The following PARVB variants were observed in gnomAD, a reference collection of about 807,000 sequenced individuals.
PARVB encodes the protein beta-parvin.
In PARVB, 46 loss-of-function variants were observed where a neutral mutation model predicts 47.0. That is an observed-to-expected ratio of 0.98 (90% CI 0.77 to 1.25). The LOEUF (loss-of-function observed/expected upper bound fraction) is 1.25. PARVB is among the 50% of genes most tolerant of loss of function. PARVB has a pLI of 0.00. For synonymous variants in PARVB, 196 were observed against 196.3 expected (o/e 1.00, Z 0.01); for missense variants, 473 against 471.6 (o/e 1.00, Z -0.03).
intron 3 of PARVB, chr22:44,110,211 A>T (rs181600340): frequency 1.3e-5 from 2 of 150,808 alleles, no homozygotes; most frequent in African/African-American, 4.9e-5. Flanking sequence ...GCCGCTTGAG[A>T]TATGGCATTG....
chr22:44,160,586 C>G (rs1447722215), intron 11 of PARVB, among the ~76,000 whole-genome samples: 2 of 152,092 alleles, frequency 1.3e-5, no homozygotes, highest in African/African-American at 4.8e-5. Context: ...TGCTGGGTAT[C>G]CAGGGATCTA....
chr22:43,999,471 A>G (rs2050388819), intron 1 of PARVB: 1 of 1,562,944 alleles, frequency 6.4e-7, no homozygotes, highest in African/African-American at 1.4e-5. Context: ...CAGAAGTCCA[A>G]ATTTCTAGCT....
At chr22:44,164,618 T>G (rs1200213198) in intron 12 of PARVB, among the ~76,000 whole-genome samples, 1 of 152,198 alleles carries the variant, frequency 6.6e-6, no homozygotes, top group African/African-American at 2.4e-5. Flanking sequence ...GACATCTGTT[T>G]GCCTCCATCA....
chr22:44,064,389 T>C (rs2051479086), intron 1 of PARVB, among the ~76,000 whole-genome samples: 1 of 152,128 alleles, frequency 6.6e-6, no homozygotes, highest in Non-Finnish European at 1.5e-5. Flanking sequence ...AGGAAATGTG[T>C]GTGGACTCGC....
At position 44,172,829 on chromosome 22, in the gene PARVB, G is replaced by A; in HGVS notation, c.*4151G>A. The A allele has an allele frequency of 1.9e-6, 1 of 539,908 alleles. No individual in the cohort carries two copies. Among genetic ancestry groups the A allele is most frequent in the Non-Finnish European group, 2.8e-6 (1 of 352,664 alleles). The allele number at this position is 539,908 out of a possible 1,614,324, so 33.4% of individuals were successfully genotyped here. A position where few individuals can be genotyped will look rare whatever the true frequency, so the allele number is the denominator to read the frequency against. ...AGTGCAGGAAGCAAGCGCTTTTCAG[G>A]AGCTCACTGCAACACCGGGCAAACA... is the stretch of plus-strand genomic sequence containing the variant. On this transcript the variant is annotated 3_prime_UTR_variant, in exon 13 of 13. Coordinates refer to ENST00000338758, the MANE Select transcript of PARVB (RefSeq NM_013327.5).
intron 11 of PARVB, among the ~76,000 whole-genome samples, chr22:44,162,309 AT>A (rs1044777937): frequency 6.6e-6 from 1 of 152,052 alleles, no homozygotes; most frequent in South Asian, 2.1e-4. Flanking sequence ...CGTTGAAAGG[AT>A]TTTTTGTTTG....
chr22:44,010,930 C>T (rs530284573), intron 2 of PARVB, among the ~76,000 whole-genome samples: 6 of 138,082 alleles, frequency 4.3e-5, no homozygotes, highest in East Asian at 2.1e-4. Flanking sequence ...CTCGCTCTGT[C>T]GCCCAGGCTA....
rs574338500 is a variant in PARVB at position 44,091,295 on chromosome 22, T to G, written c.113-2633T>G. On this transcript the variant is annotated intron_variant, in intron 1 of 12. Transcript: ENST00000338758. ...CCTGCTTTTTTTTTTTTTTTTTTTT[T>G]GCTATTTAAAAAAATTGTTGTAAAA... Among the ~76,000 whole-genome samples, 1,036 of 141,858 alleles carry G rather than the reference T, an allele frequency of 7.3e-3. 10 individuals carry two copies. Among genetic ancestry groups the G allele is most frequent in the African/African-American group, 0.023 (868 of 37,352 alleles). The allele number at this position is 141,858 out of a possible 152,430, so 93.1% of individuals were successfully genotyped here. A position where few individuals can be genotyped will look rare whatever the true frequency, so the allele number is the denominator to read the frequency against.
intron 1 of PARVB, among the ~76,000 whole-genome samples, chr22:44,047,711 T>C (rs931254552): frequency 6.6e-6 from 1 of 152,160 alleles, no homozygotes; most frequent in Non-Finnish European, 1.5e-5. Flanking sequence ...CTCACAGTTA[T>C]GGAAGCCACA....
Position 44,172,890 on chromosome 22 carries a change from C to T in PARVB, c.*4212C>T, listed in dbSNP as rs147388945. 3.8e-4 allele frequency: 390 copies of T among 1,027,828 alleles called. 1 individual carries two copies. In the African/African-American group the frequency reaches 5.2e-3, roughly 14 times the overall value. The allele number at this position is 1,027,828 out of a possible 1,614,324, so 63.7% of individuals were successfully genotyped here. A position where few individuals can be genotyped will look rare whatever the true frequency, so the allele number is the denominator to read the frequency against. Reference sequence around the variant, plus strand: ...CAGGGATGCGGTTAGGACAATGCCACGTGGCGTCACAGTATGCTGTTATTT... The same window carrying T: ...CAGGGATGCGGTTAGGACAATGCCATGTGGCGTCACAGTATGCTGTTATTT... On this transcript the variant is annotated 3_prime_UTR_variant, in exon 13 of 13. Transcript: ENST00000338758.
At chr22:44,096,046 A>G (rs1338311728) in intron 2 of PARVB, among the ~76,000 whole-genome samples, 1 of 152,190 alleles carries the variant, frequency 6.6e-6, no homozygotes, top group Non-Finnish European at 1.5e-5. Context: ...CAACATGGCA[A>G]AACCCTGTCT....
At chr22:44,136,555 T>C in intron 7 of PARVB, 37 bp downstream of exon 7, 1 of 1,579,624 alleles carries the variant, frequency 6.3e-7, no homozygotes, top group Non-Finnish European at 8.7e-7. Flanking sequence ...CAGGCCCTGC[T>C]GCCCCGAGTG....
At chr22:44,106,766 T>C (rs796489224) in intron 3 of PARVB, 19 of 151,722 alleles carry the variant, frequency 1.3e-4, no homozygotes, top group African/African-American at 3.6e-4. Flanking sequence ...TCAGGACTGT[T>C]GCTGTATAAA....
chr22:44,158,181 C>A, intron 11 of PARVB, 98 bp downstream of exon 11: 2 of 774,034 alleles, frequency 2.6e-6, no homozygotes, highest in South Asian at 1.7e-5. Context: ...AGCCTGGCTG[C>A]ATTCTTCAGA....
At chr22:44,051,912 A>T (rs926589084) in intron 1 of PARVB, among the ~76,000 whole-genome samples, 1 of 151,728 alleles carries the variant, frequency 6.6e-6, no homozygotes. Context: ...CTGGACAGAG[A>T]TTGGAGAGAT....
intron 1 of PARVB, among the ~76,000 whole-genome samples, chr22:44,037,315 C>T (rs751150061): frequency 1.3e-5 from 2 of 150,634 alleles, no homozygotes; most frequent in African/African-American, 4.9e-5. Flanking sequence ...CCCAGCTACT[C>T]GGGAGGCTGA....
intron 1 of PARVB, among the ~76,000 whole-genome samples, chr22:44,034,949 G>C (rs1038316718): frequency 2.0e-5 from 3 of 152,042 alleles, no homozygotes; most frequent in East Asian, 3.9e-4. Context: ...GGCCTCAGTT[G>C]ATCCGCTCAC....
chr22:44,133,060 C>A, intron 6 of PARVB, 51 bp downstream of exon 6: 1 of 1,259,128 alleles, frequency 7.9e-7, no homozygotes, highest in Non-Finnish European at 1.1e-6. Flanking sequence ...AGAGAGGCAA[C>A]ATCTTCCTCC....
intron 9 of PARVB, 150 bp from the exon 10 acceptor site, chr22:44,151,333 G>A: frequency 1.6e-6 from 1 of 626,748 alleles, no homozygotes; most frequent in East Asian, 2.8e-5. Context: ...TCAGGATATT[G>A]AGTTTGAAAC....
Sources: allele counts gnomAD v4.1 joint callset (sites outside exome capture counted in the v4.1 genomes callset), GRCh38; gene constraint gnomAD v4.1.1; transcripts MANE v1.5; gene names NCBI Gene and HGNC (gene_info 2026-07-23, HGNC 2026-07-21).